The following PLG variants were observed in gnomAD, a reference collection of about 807,000 sequenced individuals.
The protein encoded by PLG is plasminogen, also known as plasmin.
PLG carries 41 observed loss-of-function variants against 104.4 expected under a neutral mutation model. The observed-to-expected ratio is 0.39, with a 90% CI of 0.31 to 0.51. The LOEUF (loss-of-function observed/expected upper bound fraction) is 0.51, where lower values mean the gene tolerates loss of function less well. Ranked by LOEUF, PLG falls within the 20% of genes least tolerant of loss-of-function variation. The pLI, the probability that PLG is intolerant of heterozygous loss-of-function variation, is 0.76. For missense variants in PLG, 891 were observed against 1,003.6 expected, an observed-to-expected ratio of 0.89 and a Z score of 1.52; for synonymous variants, 337 against 357.1, an observed-to-expected ratio of 0.94 and a Z score of 0.63.
chr6:160,706,263 A>T, intron 1 of PLG, 144 bp from the exon 2 acceptor site: 3 of 1,070,448 alleles, frequency 2.8e-6, no homozygotes, highest in South Asian at 1.4e-5. Context: ...AAACATTTTG[A>T]TTCATAGCTA....
intron 4 of PLG, chr6:160,712,020 C>T (rs1389204461): frequency 1.4e-6 from 1 of 696,482 alleles, no homozygotes; most frequent in South Asian, 2.4e-5. Context: ...TCACCTTTAT[C>T]CATTCCCCCA....
At chr6:160,713,517 C>T (rs2115158769) in intron 5 of PLG, 1 of 237,234 alleles carries the variant, frequency 4.2e-6, no homozygotes, top group South Asian at 5.7e-5. Context: ...GATCCGCCTG[C>T]CTCAGCCTCT....
Position 160,731,200 on chromosome 6 carries a change from T to G in PLG, c.1406T>G (p.Leu469Arg). ...GTTGTAGCACCTCCGCCTGTTGTCCTGCTTCCAGATGTAGAGACTCCTTCC... is the reference window on the plus strand; with the variant it reads ...GTTGTAGCACCTCCGCCTGTTGTCCGGCTTCCAGATGTAGAGACTCCTTCC... The part of the protein sequence containing the change: ...ASVVAPPPVV[L>R]LPDVETPSEE... The change falls in exon 11 of 19, where the codon CTG (leucine) becomes CGG (arginine). Residue 469 changes from leucine (L) to arginine (R), a missense_variant. By Grantham distance (102) the Leu-to-Arg change is moderately radical (BLOSUM62 -2). Around this residue, in one of 2 missense-constraint regions of PLG, gnomAD observed 854 missense variants for 932.1 expected, o/e 0.92. Transcript: ENST00000308192. This position sits in a 1 kb window ranked among gnomAD's most constrained non-coding sequence, Gnocchi z 5.1. 1 of 1,614,142 alleles carries G rather than the reference T, an allele frequency of 6.2e-7. No homozygotes were observed. The highest frequency in any genetic ancestry group is 8.5e-7 in the Non-Finnish European group (1 of 1,179,966).
At chr6:160,733,147 TG>T (rs1279921655) in intron 12 of PLG, among the ~76,000 whole-genome samples, 1 of 152,164 alleles carries the variant, frequency 6.6e-6, no homozygotes, top group African/African-American at 2.4e-5. Flanking sequence ...TGTCAGGAAC[TG>T]GGGGGCAGAG....
At position 160,739,279 on chromosome 6, in the gene PLG, C is replaced by T. The variant is rs1778144841; in HGVS notation, c.2018+71C>T. 2.5e-6 allele frequency: 4 copies of T among 1,595,334 alleles called. No individual in the cohort carries two copies. The highest frequency in any genetic ancestry group is 3.4e-6 in the Non-Finnish European group (4 of 1,163,348). ...TGCTTTATGTCTGGGTTTTATGGGC[C>T]ATGGCCACTGCATGGCAGTGGGGAG... On this transcript the variant is annotated intron_variant, in intron 16 of 18. Transcript: ENST00000308192. This position sits in a 1 kb window ranked among gnomAD's most constrained non-coding sequence, Gnocchi z 4.4.
chr6:160,748,081 C>A (rs1374055227), intron 17 of PLG, among the ~76,000 whole-genome samples: 1 of 151,788 alleles, frequency 6.6e-6, no homozygotes, highest in Non-Finnish European at 1.5e-5. Context: ...CCGAGGCAGG[C>A]AGACCACGAG....
Position 160,732,998 on chromosome 6 carries a change from C to T in PLG, c.1588-997C>T, listed in dbSNP as rs899073844. On this transcript the variant is annotated intron_variant, in intron 12 of 18. Transcript: ENST00000308192. The surrounding 1 kb of genome is among the most constrained non-coding windows in gnomAD (Gnocchi z 4.5). ...GTTGGACGTGGGGGGCTGAACAGTT[C>T]CAACCCTGCAATCACATGGTTGGTT... Among the ~76,000 whole-genome samples, 1 of 152,132 alleles carries T rather than the reference C, an allele frequency of 6.6e-6. No homozygotes were observed.
chr6:160,749,485 C>T (rs111210754), intron 17 of PLG, among the ~76,000 whole-genome samples: 1 of 29,122 alleles, frequency 3.4e-5, no homozygotes, highest in Non-Finnish European at 6.8e-5. Flanking sequence ...ACTATCATCA[C>T]CACCACCACC....
rs56387679 is a variant in PLG, at chr6:160,733,846, G to A, written c.1588-149G>A. On this transcript the variant is annotated intron_variant, in intron 12 of 18. Transcript: ENST00000308192. Reference sequence around the variant, plus strand: ...GCGACAAGAGCAAAACTCCACCTCAGAAAAAAAAAAAAAAAAAAAAAAGAA... The same window carrying A: ...GCGACAAGAGCAAAACTCCACCTCAAAAAAAAAAAAAAAAAAAAAAAAGAA... 72,078 of 347,190 alleles carry A rather than the reference G, an allele frequency of 0.21. 8,685 individuals are homozygous for A. Among genetic ancestry groups the A allele is most frequent in the Non-Finnish European group, 0.27 (50,691 of 189,408 alleles). The allele number at this position is 347,190 out of a possible 1,614,324, so 21.5% of individuals were successfully genotyped here.
At position 160,752,411 on chromosome 6, in the gene PLG, T is replaced by C. The variant is rs1778418896; in HGVS notation, c.2271+151T>C. 2.8e-6 allele frequency: 2 copies of C among 708,120 alleles called. No homozygotes were observed. The highest frequency in any genetic ancestry group is 5.0e-6 in the Non-Finnish European group (2 of 403,084). The allele number at this position is 708,120 out of a possible 1,614,324, so 43.9% of individuals were successfully genotyped here. A position where few individuals can be genotyped will look rare whatever the true frequency, so the allele number is the denominator to read the frequency against. On this transcript the variant is annotated intron_variant, in intron 18 of 18. Coordinates refer to ENST00000308192, the MANE Select transcript of PLG (RefSeq NM_000301.5). This position sits in a 1 kb window ranked among gnomAD's most constrained non-coding sequence, Gnocchi z 4.7. ...TTTAGAAACTTCCTAGATCTGTCCC[T>C]GAATGCGTATTCAGATCATCTAAGG...
Position 160,731,728 on chromosome 6 carries a change from A to AT in PLG, c.1439-11dup, listed in dbSNP as rs778069762. On this transcript the variant is annotated splice_polypyrimidine_tract_variant and intron_variant, in intron 11 of 18. Transcript: ENST00000308192. This position sits in a 1 kb window ranked among gnomAD's most constrained non-coding sequence, Gnocchi z 5.1. ...TCTCTGTGGCTCTTCATAATCATCC[A>AT]TTTTTTCCCTGTACAGACTGTATGT... The AT allele has an allele frequency of 1.6e-5, 26 of 1,612,552 alleles. No individual in the cohort carries two copies. The Admixed American group carries it at 3.3e-4, about 21-fold the overall frequency.
intron 1 of PLG, among the ~76,000 whole-genome samples, chr6:160,702,572 G>A (rs1777438248): frequency 1.3e-5 from 2 of 152,086 alleles, no homozygotes. Context: ...GAAAATAATG[G>A]GTGATTTTTC....
intron 17 of PLG, among the ~76,000 whole-genome samples, chr6:160,749,402 CCAT>C (rs554507851): frequency 2.5e-4 from 38 of 151,290 alleles, no homozygotes; most frequent in East Asian, 1.8e-3. Context: ...ATCACCACCA[CCAT>C]CATCATCACT....
intron 1 of PLG, among the ~76,000 whole-genome samples, chr6:160,704,369 A>C (rs1033710821): frequency 2.6e-5 from 4 of 152,370 alleles, no homozygotes; most frequent in African/African-American, 9.6e-5. Context: ...AGAGAACTTA[A>C]TTGAAGGGGG....
At chr6:160,718,622 T>A (rs1268610568) in intron 8 of PLG, 71 bp from the exon 9 acceptor site, 2 of 1,517,774 alleles carry the variant, frequency 1.3e-6, no homozygotes, top group Non-Finnish European at 1.8e-6. Flanking sequence ...CCGTAACGGT[T>A]GTTCTCAAAG....
chr6:160,745,150 G>A (rs1223694536), intron 17 of PLG, among the ~76,000 whole-genome samples: 1 of 152,182 alleles, frequency 6.6e-6, no homozygotes, highest in African/African-American at 2.4e-5. Context: ...AGAGAGTTGT[G>A]TAGAGGTCTA....
rs201792453 is a variant in PLG at position 160,713,054 on chromosome 6, C to T, written c.476C>T (p.Pro159Leu). Residue 159 changes from proline (P) to leucine (L), a missense_variant, in exon 5 of 19, where the codon CCG becomes CTG. Around this residue, in one of 2 missense-constraint regions of PLG, gnomAD observed 854 missense variants for 932.1 expected, o/e 0.92. Coordinates refer to ENST00000308192, the MANE Select transcript of PLG (RefSeq NM_000301.5). ...ENYCRNPDND[P>L]QGPWCYTTDP... is the part of the protein sequence containing the mutation. ...TACTGCAGGAATCCAGACAACGATC[C>T]GCAGGGGCCCTGGTGCTATACTACT... 165 of 1,607,792 alleles carry T rather than the reference C, an allele frequency of 1.0e-4. No homozygotes were observed. The East Asian group carries it at 2.9e-3, about 28-fold the overall frequency.
At chr6:160,730,527 A>G (rs1325599421) in intron 10 of PLG, among the ~76,000 whole-genome samples, 1 of 152,218 alleles carries the variant, frequency 6.6e-6, no homozygotes, top group African/African-American at 2.4e-5. Context: ...CTTTAGTTAC[A>G]CTGTGAGTAC....
rs1481526896 is a variant in PLG, at chr6:160,737,429, C to T, written c.1802+422C>T. ...AAAATTATCTCCAGTCTATCACAGG[C>T]ACAGATTCTTTTTCTTTGGACACTT... On this transcript the variant is annotated intron_variant, in intron 14 of 18. Coordinates refer to ENST00000308192, the MANE Select transcript of PLG (RefSeq NM_000301.5). The surrounding 1 kb of genome is among the most constrained non-coding windows in gnomAD (Gnocchi z 4.7). Among the ~76,000 whole-genome samples, 2 of 152,160 alleles carry T rather than the reference C, an allele frequency of 1.3e-5. No homozygotes were observed. The highest frequency in any genetic ancestry group is 4.8e-5 in the African/African-American group (2 of 41,430).
Sources: gnomAD v4.1 joint callset for allele counts (sites outside exome capture counted in the v4.1 genomes callset) on GRCh38, gnomAD v4.1.1 for gene constraint, gnomAD v4.1.1 regional missense constraint, Gnocchi (gnomAD v3.1) non-coding constraint, MANE v1.5 for transcripts, NCBI Gene and HGNC (gene_info 2026-07-23, HGNC 2026-07-21) for gene names.